The following CABLES1 variants were observed in gnomAD, a reference collection of about 807,000 sequenced individuals.
The protein encoded by CABLES1 is Cdk5 and Abl enzyme substrate 1.
CABLES1 carries 36 observed loss-of-function variants against 57.8 expected under a neutral mutation model. The observed-to-expected ratio is 0.62, with a 90% CI of 0.48 to 0.82. The LOEUF (loss-of-function observed/expected upper bound fraction) is 0.82, where lower values mean the gene tolerates loss of function less well. Among genes scored for constraint, CABLES1 ranks in the 40% least tolerant of loss-of-function variants. CABLES1 has a pLI of 0.00. For missense variants in CABLES1, 767 were observed against 836.6 expected, an observed-to-expected ratio of 0.92 and a Z score of 1.03; for synonymous variants, 374 against 363.0, an observed-to-expected ratio of 1.03 and a Z score of -0.35.
chr18:23,254,474 T>TAC (rs1376795705), intron 9 of CABLES1, among the ~76,000 whole-genome samples: 1 of 152,198 alleles, frequency 6.6e-6, no homozygotes, highest in Non-Finnish European at 1.5e-5. Flanking sequence ...AATTTTGAGG[T>TAC]ACAGTAAAGC....
At chr18:23,160,525 C>A (rs1405475842) in intron 1 of CABLES1, among the ~76,000 whole-genome samples, 1 of 152,162 alleles carries the variant, frequency 6.6e-6, no homozygotes, top group Non-Finnish European at 1.5e-5. Context: ...GGGTCCCTTC[C>A]TGAAGGGACC....
chr18:23,169,052 C>T (rs114879817), intron 1 of CABLES1, among the ~76,000 whole-genome samples: 1,609 of 152,218 alleles, frequency 0.011, 16 homozygotes, highest in Middle Eastern at 0.034. Context: ...GTAAAAAAGT[C>T]GGCTAAATCC....
At chr18:23,168,072 A>C (rs1466691908) in intron 1 of CABLES1, among the ~76,000 whole-genome samples, 1 of 152,116 alleles carries the variant, frequency 6.6e-6, no homozygotes, top group East Asian at 1.9e-4. Flanking sequence ...GGGCGATCTG[A>C]GGGCAACTCC....
chr18:23,217,611 T>C (rs1230000178), intron 4 of CABLES1, among the ~76,000 whole-genome samples: 2 of 152,354 alleles, frequency 1.3e-5, no homozygotes, highest in Non-Finnish European at 2.9e-5. Flanking sequence ...ACCATAATTA[T>C]GATTTTTAAA....
At chr18:23,155,922 G>A (rs772725857) in intron 1 of CABLES1, 1 of 1,614,198 alleles carries the variant, frequency 6.2e-7, no homozygotes, top group Non-Finnish European at 8.5e-7. Context: ...AAGAGGGGCT[G>A]CCATGCAAGA....
At chr18:23,179,697 A>C (rs11662157) in intron 1 of CABLES1, among the ~76,000 whole-genome samples, 9 of 152,238 alleles carry the variant, frequency 5.9e-5, no homozygotes, top group Non-Finnish European at 1.3e-4. Flanking sequence ...AGTAAGGGCC[A>C]TGCTTACTTT....
At chr18:23,139,796 T>C (rs75377885) in intron 1 of CABLES1, among the ~76,000 whole-genome samples, 5,096 of 151,996 alleles carry the variant, frequency 0.034, 89 homozygotes, top group Middle Eastern at 0.058. Flanking sequence ...ACCTGGATCA[T>C]TGATGTCCAA....
chr18:23,150,942 G>A (rs1274998673), intron 1 of CABLES1, among the ~76,000 whole-genome samples: 3 of 152,194 alleles, frequency 2.0e-5, no homozygotes, highest in Non-Finnish European at 2.9e-5. Flanking sequence ...AGAATCGGGC[G>A]GATGCCTCAT....
At chr18:23,255,420 C>T (rs1042633606) in intron 9 of CABLES1, among the ~76,000 whole-genome samples, 18 of 152,112 alleles carry the variant, frequency 1.2e-4, no homozygotes, top group East Asian at 5.8e-4. Context: ...TTTTTTAGGT[C>T]GGCGCTTTAC....
At chr18:23,195,493 G>A (rs998649536) in intron 3 of CABLES1, among the ~76,000 whole-genome samples, 4 of 152,184 alleles carry the variant, frequency 2.6e-5, no homozygotes, top group East Asian at 3.8e-4. Flanking sequence ...ACTGTAAGTC[G>A]CGAGTAAAGT....
intron 4 of CABLES1, among the ~76,000 whole-genome samples, chr18:23,224,812 G>C (rs1416169229): frequency 1.3e-5 from 2 of 151,880 alleles, no homozygotes; most frequent in Non-Finnish European, 2.9e-5. Context: ...CTCGTGATCT[G>C]CCTGTCTCAG....
intron 1 of CABLES1, among the ~76,000 whole-genome samples, chr18:23,172,694 T>C (rs2047091324): frequency 6.6e-6 from 1 of 152,208 alleles, no homozygotes; most frequent in South Asian, 2.1e-4. Flanking sequence ...GGAATCCACA[T>C]TGCATCCAAG....
chr18:23,168,708 C>A (rs2047060689), intron 1 of CABLES1, among the ~76,000 whole-genome samples: 1 of 152,206 alleles, frequency 6.6e-6, no homozygotes, highest in Non-Finnish European at 1.5e-5. Context: ...GCAGAAGGGT[C>A]CTGCGGCCAT....
intron 4 of CABLES1, chr18:23,219,135 A>G (rs1369686929): frequency 2.2e-6 from 1 of 453,388 alleles, no homozygotes; most frequent in Non-Finnish European, 4.4e-6. Flanking sequence ...ACTCACCTGC[A>G]GCCTGGTGAG....
chr18:23,252,770 T>C (rs2048070188), intron 7 of CABLES1, among the ~76,000 whole-genome samples, 190 bp from the exon 8 acceptor site: 1 of 152,190 alleles, frequency 6.6e-6, no homozygotes, highest in African/African-American at 2.4e-5. Context: ...GTGACTTGTT[T>C]TCCGTTCGCC....
At chr18:23,219,519 C>T (rs2047470509) in intron 4 of CABLES1, among the ~76,000 whole-genome samples, 1 of 152,210 alleles carries the variant, frequency 6.6e-6, no homozygotes, top group African/African-American at 2.4e-5. Context: ...AACTCTCAGG[C>T]AGGGCCTGCC....
intron 9 of CABLES1, 178 bp from the exon 10 acceptor site, chr18:23,257,048 CA>C (rs2048185423): frequency 3.1e-6 from 2 of 647,998 alleles, no homozygotes; most frequent in Non-Finnish European, 5.2e-6. Context: ...AGCTCCTTCA[CA>C]ACCAGGACCG....
At chr18:23,256,911 T>G (rs889224594) in intron 9 of CABLES1, among the ~76,000 whole-genome samples, 4 of 152,274 alleles carry the variant, frequency 2.6e-5, no homozygotes, top group Admixed American at 1.3e-4. Context: ...GCTCTCTGAC[T>G]TCTTGGAGCC....
rs2048242295 is a variant in CABLES1 at position 23,259,471 on chromosome 18, G to A, written c.*2104G>A. On this transcript the variant is annotated 3_prime_UTR_variant, in exon 10 of 10. Coordinates refer to ENST00000256925, the MANE Select transcript of CABLES1 (RefSeq NM_001100619.3). ...GTTTGGTTTTTAGCATTTATGAGGT[G>A]AGCCCATGAAGTTAGTGGTCCATTA... is the stretch of plus-strand genomic sequence containing the variant. The A allele has an allele frequency of 6.6e-6, 1 of 152,212 alleles. No homozygotes were observed. Among genetic ancestry groups the A allele is most frequent in the Non-Finnish European group, 1.5e-5 (1 of 68,058 alleles). 9.4% of individuals were successfully genotyped at this position (152,212 alleles called of 1,614,324 possible).
Sources: gnomAD v4.1 joint callset for allele counts (sites outside exome capture counted in the v4.1 genomes callset) on GRCh38, gnomAD v4.1.1 for gene constraint, MANE v1.5 for transcripts, NCBI Gene and HGNC (gene_info 2026-07-23, HGNC 2026-07-21) for gene names.